Variants in DISP3 observed in about 807,000 individuals in gnomAD.
The protein encoded by DISP3 is dispatched RND transporter family member 3.
DISP3 carries 101 observed loss-of-function variants against 135.3 expected under a neutral mutation model. The ratio of observed to expected loss-of-function variants is 0.75; its 90% CI spans 0.64 to 0.88. The LOEUF is 0.88. Ranked by LOEUF, DISP3 falls within the 40% of genes least tolerant of loss-of-function variation. The pLI is 0.00. For synonymous variants in DISP3, 856 were observed against 817.0 expected, an observed-to-expected ratio of 1.05 and a Z score of -0.81; for missense variants, 1,713 against 1,878.6, an observed-to-expected ratio of 0.91 and a Z score of 1.63.
intron 1 of DISP3, among the ~76,000 whole-genome samples, chr1:11,482,306 A>G (rs1640924697): frequency 6.6e-6 from 1 of 152,130 alleles, no homozygotes; most frequent in Non-Finnish European, 1.5e-5. Context: ...GGGCTTTGCA[A>G]TCAGCCTCAT....
At chr1:11,530,858 TC>T in intron 15 of DISP3, 48 bp from the exon 16 acceptor site, 1 of 1,607,792 alleles carries the variant, frequency 6.2e-7, no homozygotes, top group Non-Finnish European at 8.5e-7. Context: ...CAGGACTGAG[TC>T]CCCGTCTCAC....
At chr1:11,514,665 C>G in intron 4 of DISP3, 139 bp downstream of exon 4, 1 of 1,213,166 alleles carries the variant, frequency 8.2e-7, no homozygotes, top group Non-Finnish European at 1.1e-6. Context: ...GCACACAAAT[C>G]ATCTTCCAAC....
Position 11,536,476 on chromosome 1 carries a change from A to G in DISP3, c.3969A>G (p.Ala1323=), listed in dbSNP as rs1179124464. 3 of 1,613,546 alleles carry G rather than the reference A, an allele frequency of 1.9e-6. No individual in the cohort carries two copies. The highest frequency in any genetic ancestry group is 2.5e-6 in the Non-Finnish European group (3 of 1,179,924). Residue 1323 remains alanine (A), a synonymous_variant, in exon 21 of 21, where the codon GCA becomes GCG. Transcript: ENST00000294484. This position sits in a 1 kb window ranked among gnomAD's most constrained non-coding sequence, Gnocchi z 4.3. ...TTGCCAAGTTCGGCAAGATTGTGGC[A>G]CTCAACACGGGCGTGTCCATCCTCT... ...APFAKFGKIV[A]LNTGVSILYT...
rs1240062931 is a variant in DISP3 at position 11,483,733 on chromosome 1, G to A, written c.-4+4361G>A. Among the ~76,000 whole-genome samples, 1 of 152,228 alleles carries A rather than the reference G, an allele frequency of 6.6e-6. No homozygotes were observed. Among genetic ancestry groups the A allele is most frequent in the Non-Finnish European group, 1.5e-5 (1 of 68,050 alleles). ...TCAGTGGCCTGGGCTGGGTACTCAA[G>A]GCTTCTGAGCCATGGCTGGGCCGGA... On this transcript the variant is annotated intron_variant, in intron 1 of 20. Transcript: ENST00000294484. The surrounding 1 kb of genome is among the most constrained non-coding windows in gnomAD (Gnocchi z 5.4).
chr1:11,515,927 T>G, intron 5 of DISP3, 74 bp from the exon 6 acceptor site: 1 of 1,551,390 alleles, frequency 6.4e-7, no homozygotes, highest in Non-Finnish European at 8.8e-7. Flanking sequence ...TCACACTTGG[T>G]CTAGGGCCAG....
chr1:11,493,901 CTT>C (rs1038348700), intron 1 of DISP3, among the ~76,000 whole-genome samples: 10 of 152,208 alleles, frequency 6.6e-5, no homozygotes, highest in African/African-American at 2.4e-4. Context: ...GGGAGACTTC[CTT>C]TACATCATGC....
Position 11,526,831 on chromosome 1 carries a change from AC to A in DISP3, c.2797del (p.Arg933GlyfsTer60). On this transcript the variant is annotated frameshift_variant, in exon 13 of 21. Coordinates refer to ENST00000294484, the MANE Select transcript of DISP3 (RefSeq NM_020780.2). LOFTEE classifies it high-confidence loss of function. Reference protein sequence around the residue: ...FYVATKEQQHTRKLYFAQSHK... With the variant: ...FYVATKEQQHXRKLYFAQSHK... ...CGTGGCCACCAAGGAGCAGCAGCAC[AC>A]CCGGTAACAGAGCCTGGCAGACAAG... 1 of 1,598,820 alleles carries A rather than the reference AC, an allele frequency of 6.3e-7. No individual in the cohort carries two copies. The highest frequency in any genetic ancestry group is 8.5e-7 in the Non-Finnish European group (1 of 1,177,128).
chr1:11,516,378 T>A lies in DISP3; in HGVS notation c.1749+217T>A, dbSNP rs1343266341. On this transcript the variant is annotated intron_variant, in intron 6 of 20. Transcript: ENST00000294484. The surrounding 1 kb of genome is among the most constrained non-coding windows in gnomAD (Gnocchi z 5.1). ...TAATCCAGACAGCATGCATTAGGGA[T>A]CCTCAGTAGTAGTAATCCAGCCTCC... 2.0e-5 allele frequency among the ~76,000 whole-genome samples: 3 copies of A among 152,194 alleles called. No individual in the cohort carries two copies. Among genetic ancestry groups the A allele is most frequent in the Non-Finnish European group, 2.9e-5 (2 of 68,034 alleles).
chr1:11,524,135 C>T (rs1233667488), intron 11 of DISP3, 80 bp downstream of exon 11: 1 of 1,083,644 alleles, frequency 9.2e-7, no homozygotes, highest in Non-Finnish European at 1.4e-6. Flanking sequence ...AGATAAAATT[C>T]CTTCTGGATT....
intron 12 of DISP3, among the ~76,000 whole-genome samples, chr1:11,525,904 G>A (rs1195392177): frequency 6.6e-6 from 1 of 152,144 alleles, no homozygotes; most frequent in African/African-American, 2.4e-5. Flanking sequence ...CGACCTCCTG[G>A]GCTCAAGCGA....
At chr1:11,509,513 C>T (rs1476296817) in intron 3 of DISP3, among the ~76,000 whole-genome samples, 1 of 152,110 alleles carries the variant, frequency 6.6e-6, no homozygotes. Flanking sequence ...TATCTACAAT[C>T]GGGGCATTGT....
chr1:11,505,506 T>G (rs1240004919), intron 3 of DISP3, among the ~76,000 whole-genome samples: 1 of 152,208 alleles, frequency 6.6e-6, no homozygotes, highest in Non-Finnish European at 1.5e-5. Flanking sequence ...AGCCACTCTT[T>G]TCTGTTTTCT....
chr1:11,533,884 G>A, intron 17 of DISP3: 1 of 716,954 alleles, frequency 1.4e-6, no homozygotes, highest in Non-Finnish European at 2.6e-6. Context: ...ACTGGGCACT[G>A]TGGGCCAGCC....
At chr1:11,487,622 C>T (rs965523155) in intron 1 of DISP3, among the ~76,000 whole-genome samples, 3 of 152,218 alleles carry the variant, frequency 2.0e-5, no homozygotes, top group Admixed American at 1.3e-4. Context: ...CAGAGCATTC[C>T]CAGGCTTCAC....
rs1642527529 is a variant in DISP3 at position 11,529,824 on chromosome 1, C to T, written c.2967C>T (p.Asn989=). ...KARLSATFGF[N]PCVNTGCGKP... ...GTCTCTCAGCCACCTTCGGCTTCAACCCCTGCGTGAACACGGGCTGCGGGA... is the reference window on the plus strand; with the variant it reads ...GTCTCTCAGCCACCTTCGGCTTCAATCCCTGCGTGAACACGGGCTGCGGGA... The change falls in exon 15 of 21, where the codon AAC becomes AAT. Residue 989 remains asparagine, a synonymous_variant. Coordinates refer to ENST00000294484, the MANE Select transcript of DISP3 (RefSeq NM_020780.2). The surrounding 1 kb of genome is among the most constrained non-coding windows in gnomAD (Gnocchi z 4.7). The T allele has an allele frequency of 1.9e-6, 3 of 1,613,986 alleles. No homozygotes were observed. The highest frequency in any genetic ancestry group is 2.5e-6 in the Non-Finnish European group (3 of 1,180,020).
chr1:11,494,592 C>T (rs1641279237), intron 1 of DISP3, among the ~76,000 whole-genome samples: 1 of 152,218 alleles, frequency 6.6e-6, no homozygotes, highest in Non-Finnish European at 1.5e-5. Context: ...TTCCTCCCTT[C>T]TCTGGAGCTG....
At chr1:11,484,374 G>A (rs1386737968) in intron 1 of DISP3, among the ~76,000 whole-genome samples, 1 of 152,208 alleles carries the variant, frequency 6.6e-6, no homozygotes, top group Non-Finnish European at 1.5e-5. Context: ...AATGCCAAGG[G>A]GGCGGAGGAG....
chr1:11,534,744 C>T (rs1055957869), intron 18 of DISP3: 15 of 804,656 alleles, frequency 1.9e-5, no homozygotes, highest in Non-Finnish European at 2.8e-5. Flanking sequence ...GTTCTCTGAT[C>T]TGGACTTTGG....
In DISP3 at chr1:11,483,860, G is replaced by A. The variant is rs1640968249; in HGVS notation, c.-4+4488G>A. The stretch of plus-strand genomic sequence containing the variant: ...GAGGTCAAGGATATGAGAAGCCTCT[G>A]CAGATGGGGAAGTTACTTCAGAGAG... On this transcript the variant is annotated intron_variant, in intron 1 of 20. Transcript: ENST00000294484. This position sits in a 1 kb window ranked among gnomAD's most constrained non-coding sequence, Gnocchi z 5.4. 6.6e-6 allele frequency among the ~76,000 whole-genome samples: 1 copy of A among 152,206 alleles called. No homozygotes were observed. Among genetic ancestry groups the A allele is most frequent in the South Asian group, 2.1e-4 (1 of 4,830 alleles).
Sources: gnomAD v4.1 joint callset for allele counts (sites outside exome capture counted in the v4.1 genomes callset) on GRCh38, gnomAD v4.1.1 for gene constraint, Gnocchi (gnomAD v3.1) non-coding constraint, MANE v1.5 for transcripts, NCBI Gene and HGNC (gene_info 2026-07-23, HGNC 2026-07-21) for gene names.